ANKS1B: variants seen among roughly 807,000 people sequenced by gnomAD.
The protein encoded by ANKS1B is ankyrin repeat and sterile alpha motif domain-containing protein 1B.
A neutral mutation model predicts 148.3 loss-of-function variants in ANKS1B; 36 were observed. The ratio of observed to expected loss-of-function variants is 0.24; its 90% confidence interval spans 0.19 to 0.32. The LOEUF (loss-of-function observed/expected upper bound fraction) is 0.32. Among genes scored for constraint, ANKS1B ranks in the 10% least tolerant of loss-of-function variants. The probability of loss-of-function intolerance (pLI) is 1.00; values close to 1 mark genes in which losing one functional copy is unlikely to be tolerated. For missense variants in ANKS1B, 1,157 were observed against 1,542.6 expected (o/e 0.75, Z 4.19); for synonymous variants, 542 against 560.8 (o/e 0.97, Z 0.47).
chr12:99,680,160 G>T (rs2098605787), intron 8 of ANKS1B, among the ~76,000 whole-genome samples: 1 of 152,182 alleles, frequency 6.6e-6, no homozygotes, highest in Non-Finnish European at 1.5e-5. Flanking sequence ...GAAGAAGCAG[G>T]CCAGGTATGG....
At chr12:99,631,007 A>C (rs957690523) in intron 9 of ANKS1B, among the ~76,000 whole-genome samples, 1 of 152,130 alleles carries the variant, frequency 6.6e-6, no homozygotes, top group African/African-American at 2.4e-5. Context: ...ATGGCTTTAT[A>C]AAGGGGAGTT....
intron 10 of ANKS1B, among the ~76,000 whole-genome samples, chr12:99,491,405 G>T (rs1365484440): frequency 2.0e-5 from 3 of 151,962 alleles, no homozygotes; most frequent in Non-Finnish European, 2.9e-5. Flanking sequence ...TTTTATTTTA[G>T]TTTCAAGGCT....
At chr12:99,291,495 C>A (rs1180316543) in intron 12 of ANKS1B, among the ~76,000 whole-genome samples, 1 of 152,116 alleles carries the variant, frequency 6.6e-6, no homozygotes, top group Non-Finnish European at 1.5e-5. Flanking sequence ...TCAAATTATA[C>A]TACAGAAATA....
chr12:99,559,142 T>G (rs1326695478), intron 9 of ANKS1B, among the ~76,000 whole-genome samples: 1 of 152,150 alleles, frequency 6.6e-6, no homozygotes, highest in Non-Finnish European at 1.5e-5. Flanking sequence ...GCCTTCTCTC[T>G]GAAGATCTGC....
At chr12:99,060,177 G>A (rs2041911535) in intron 16 of ANKS1B, among the ~76,000 whole-genome samples, 1 of 146,196 alleles carries the variant, frequency 6.8e-6, no homozygotes, top group Non-Finnish European at 1.5e-5. Flanking sequence ...TTAGTCTTGG[G>A]AAAATTGAGA....
intron 15 of ANKS1B, among the ~76,000 whole-genome samples, chr12:99,135,346 G>C (rs1187414011): frequency 6.6e-6 from 1 of 152,142 alleles, no homozygotes; most frequent in Non-Finnish European, 1.5e-5. Flanking sequence ...CGAAGAGATA[G>C]ATAGAAATGA....
At chr12:99,532,661 C>T (rs1185842837) in intron 9 of ANKS1B, among the ~76,000 whole-genome samples, 1 of 151,986 alleles carries the variant, frequency 6.6e-6, no homozygotes, top group Non-Finnish European at 1.5e-5. Context: ...CGCCTGGTCA[C>T]ATTTAAGTTT....
chr12:99,244,140 A>G (rs2089887455), intron 14 of ANKS1B, among the ~76,000 whole-genome samples: 1 of 152,188 alleles, frequency 6.6e-6, no homozygotes, highest in Non-Finnish European at 1.5e-5. Flanking sequence ...GCACATGGGA[A>G]AAAATCCTCT....
intron 14 of ANKS1B, 144 bp from the exon 15 acceptor site, chr12:99,154,539 T>A (rs1361594469): frequency 6.3e-7 from 1 of 1,588,676 alleles, no homozygotes; most frequent in Admixed American, 1.8e-5. Context: ...CTTGACAGAT[T>A]AATGTTCTCA....
rs970496236 is a variant in ANKS1B at position 99,203,801 on chromosome 12, G to A, written c.2419+40541C>T. On this transcript the variant is annotated intron_variant, in intron 14 of 26. Coordinates refer to ENST00000683438, the MANE Select transcript of ANKS1B (RefSeq NM_001352186.2). ...TATATCCTGTGTTTATCTCTTTCAC[G>A]GAACTTATTATATTGTAGTAAAATG... Among the ~76,000 whole-genome samples the A allele has an allele frequency of 5.3e-5, 8 of 152,098 alleles. No individual in the cohort carries two copies. The South Asian group carries it at 6.2e-4, about 12-fold the overall frequency.
intron 1 of ANKS1B, among the ~76,000 whole-genome samples, chr12:99,839,503 A>G (rs2085361714): frequency 6.6e-6 from 1 of 152,096 alleles, no homozygotes; most frequent in South Asian, 2.1e-4. Context: ...ATACTACGCA[A>G]TCCACAGAAG....
chr12:99,012,280 C>T (rs887806799), intron 17 of ANKS1B, among the ~76,000 whole-genome samples: 12 of 152,156 alleles, frequency 7.9e-5, no homozygotes, highest in African/African-American at 2.9e-4. Context: ...CATGAGGAAA[C>T]AGCTTTAGAC....
intron 11 of ANKS1B, among the ~76,000 whole-genome samples, chr12:99,424,622 AACACACAC>A (rs200308044): frequency 6.8e-6 from 1 of 147,362 alleles, no homozygotes; most frequent in Non-Finnish European, 1.5e-5. Context: ...AGGTAGCAGA[AACACACAC>A]ACACACACAC....
At chr12:99,698,822 T>C (rs1351640751) in intron 8 of ANKS1B, among the ~76,000 whole-genome samples, 1 of 152,156 alleles carries the variant, frequency 6.6e-6, no homozygotes, top group African/African-American at 2.4e-5. Flanking sequence ...TAAATTACCA[T>C]CGATTTCTCT....
At chr12:98,868,025 G>A (rs1209695625) in intron 17 of ANKS1B, among the ~76,000 whole-genome samples, 1 of 152,162 alleles carries the variant, frequency 6.6e-6, no homozygotes, top group African/African-American at 2.4e-5. Flanking sequence ...TCTTAGCAGA[G>A]GAGCGATCTA....
At chr12:99,641,281 T>A (rs191633919) in intron 9 of ANKS1B, among the ~76,000 whole-genome samples, 3 of 152,318 alleles carry the variant, frequency 2.0e-5, no homozygotes, top group African/African-American at 7.2e-5. Flanking sequence ...AAACAGGAAC[T>A]AGCGTCCTCA....
intron 12 of ANKS1B, among the ~76,000 whole-genome samples, chr12:99,359,810 G>A (rs1223907915): frequency 6.6e-6 from 1 of 152,086 alleles, no homozygotes; most frequent in Non-Finnish European, 1.5e-5. Context: ...AGTTAATTTA[G>A]TGTAAACCAC....
intron 17 of ANKS1B, among the ~76,000 whole-genome samples, chr12:98,922,534 T>C (rs2099802824): frequency 6.6e-6 from 1 of 152,230 alleles, no homozygotes; most frequent in Admixed American, 6.5e-5. Flanking sequence ...AGTCTTGCTG[T>C]GTGGCCCAGG....
chr12:99,526,489 G>A (rs2096927913), intron 9 of ANKS1B, among the ~76,000 whole-genome samples: 1 of 152,082 alleles, frequency 6.6e-6, no homozygotes, highest in African/African-American at 2.4e-5. Context: ...TAATAAAATG[G>A]GAGTGTGGGT....
Sources: gnomAD v4.1 joint callset for allele counts (sites outside exome capture counted in the v4.1 genomes callset) on GRCh38, gnomAD v4.1.1 for gene constraint, MANE v1.5 for transcripts, NCBI Gene and HGNC (gene_info 2026-07-23, HGNC 2026-07-21) for gene names.